JOSD1: variants seen among roughly 807,000 people sequenced by gnomAD.
JOSD1 encodes josephin-1.
Under a neutral mutation model 24.3 loss-of-function variants are expected in JOSD1, and 11 were observed. That is an observed-to-expected ratio of 0.45 (90% CI 0.29 to 0.75). JOSD1 has a LOEUF of 0.75. JOSD1 is among the 30% of genes least tolerant of loss of function. The probability of loss-of-function intolerance (pLI) is 0.11; values close to 1 mark genes in which losing one functional copy is unlikely to be tolerated. For synonymous variants in JOSD1, 106 were observed against 93.8 expected (o/e 1.13, Z -0.75); for missense variants, 184 against 253.5 (o/e 0.73, Z 1.86).
At chr22:38,688,451 C>CA (rs1569262726) in intron 4 of JOSD1, among the ~76,000 whole-genome samples, 1 of 152,126 alleles carries the variant, frequency 6.6e-6, no homozygotes, top group Non-Finnish European at 1.5e-5. Context: ...TTAGTAGAGA[C>CA]AGAGTTTCAC....
chr22:38,690,083 A>G (rs2092515305), intron 2 of JOSD1, among the ~76,000 whole-genome samples: 1 of 152,202 alleles, frequency 6.6e-6, no homozygotes, highest in Admixed American at 6.5e-5. Context: ...TTCTTTAGCC[A>G]GTCTGTATTT....
At chr22:38,689,932 G>GTGTA (rs2092514548) in intron 2 of JOSD1, among the ~76,000 whole-genome samples, 1 of 151,714 alleles carries the variant, frequency 6.6e-6, no homozygotes, top group Admixed American at 6.6e-5. Context: ...GTGTGTGTGT[G>GTGTA]TGTGTGTGTG....
In JOSD1 at chr22:38,685,753, A is replaced by G. The variant is rs1300004257; in HGVS notation, c.*2149T>C. On this transcript the variant is annotated 3_prime_UTR_variant, in exon 5 of 5. Coordinates refer to ENST00000683374, the MANE Select transcript of JOSD1 (RefSeq NM_001360236.2). ...CTAGGGTTGCCCGTTATTGGGCATCAGGGTCAGGCCTGTTCACTTCCTTAA... is the reference window on the plus strand; with the variant it reads ...CTAGGGTTGCCCGTTATTGGGCATCGGGGTCAGGCCTGTTCACTTCCTTAA... 6.5e-6 allele frequency: 1 copy of G among 152,704 alleles called. No homozygotes were observed. Among genetic ancestry groups the G allele is most frequent in the Non-Finnish European group, 1.5e-5 (1 of 68,048 alleles). 9.5% of individuals were successfully genotyped at this position (152,704 alleles called of 1,614,324 possible).
At chr22:38,698,369 G>T (rs1425320954) in intron 2 of JOSD1, among the ~76,000 whole-genome samples, 3 of 152,164 alleles carry the variant, frequency 2.0e-5, no homozygotes, top group Non-Finnish European at 4.4e-5. Context: ...TTATAGTTTT[G>T]TCTGCATCTG....
upstream of JOSD1, chr22:38,701,078 G>T (rs1044424691): frequency 4.9e-5 from 37 of 756,420 alleles, no homozygotes; most frequent in Non-Finnish European, 4.8e-6. Flanking sequence ...TGACGTCATC[G>T]GCACCGGCCT....
At position 38,699,832 on chromosome 22, in the gene JOSD1, G is replaced by A. The variant is rs2092560513; in HGVS notation, c.156C>T (p.Thr52=). Residue 52 remains threonine, a synonymous_variant, in exon 2 of 5, where the codon ACC becomes ACT. Coordinates refer to ENST00000683374, the MANE Select transcript of JOSD1 (RefSeq NM_001360236.2). The stretch of plus-strand genomic sequence containing the variant: ...GGAAAATCTCTTGCAGCGTATCCCG[G>A]GTGAAGGCATTGCTGTCCTGGAAGA... ...NNVFQDSNAF[T]RDTLQEIFQR... The A allele has an allele frequency of 6.2e-7, 1 of 1,614,166 alleles. No homozygotes were observed. Among genetic ancestry groups the A allele is most frequent in the African/African-American group, 1.3e-5 (1 of 75,040 alleles).
intron 2 of JOSD1, among the ~76,000 whole-genome samples, chr22:38,698,485 T>C (rs184900744): frequency 6.6e-6 from 1 of 152,348 alleles, no homozygotes; most frequent in Admixed American, 6.5e-5. Flanking sequence ...GCTGTAATTC[T>C]GGTCCCTATG....
intron 1 of JOSD1, 59 bp downstream of exon 1, chr22:38,700,741 G>C (rs1002621947): frequency 3.1e-6 from 3 of 982,204 alleles, no homozygotes; most frequent in Non-Finnish European, 3.6e-6. Flanking sequence ...GGTGGGGCCG[G>C]ACAGTCAGCC....
chr22:38,697,640 C>T (rs893784177), intron 2 of JOSD1, among the ~76,000 whole-genome samples: 12 of 152,312 alleles, frequency 7.9e-5, no homozygotes, highest in African/African-American at 2.6e-4. Flanking sequence ...AACAGGAGAG[C>T]GGTTAGCGGG....
chr22:38,698,602 G>A (rs549856170), intron 2 of JOSD1, among the ~76,000 whole-genome samples: 2 of 152,130 alleles, frequency 1.3e-5, no homozygotes, highest in Non-Finnish European at 2.9e-5. Context: ...CGAGGACTGC[G>A]CGGGCCTAAC....
rs1054848216 is a variant in JOSD1, at chr22:38,700,906, C to T, written c.-738G>A. On this transcript the variant is annotated 5_prime_UTR_variant, in exon 1 of 5. Transcript: ENST00000683374. Reference sequence around the variant, plus strand: ...CTCGCCGCTGGCGGTCCCCTCACCGCAGCCGGCCGCCACCTGGAGTGCGCG... The same window carrying T: ...CTCGCCGCTGGCGGTCCCCTCACCGTAGCCGGCCGCCACCTGGAGTGCGCG... 12 of 984,396 alleles carry T rather than the reference C, an allele frequency of 1.2e-5. No homozygotes were observed. The South Asian group carries it at 1.9e-4, about 15-fold the overall frequency. 61.0% of individuals were successfully genotyped at this position (984,396 alleles called of 1,614,324 possible). A position where few individuals can be genotyped will look rare whatever the true frequency, so the allele number is the denominator to read the frequency against.
At chr22:38,699,704 A>G in intron 2 of JOSD1, 99 bp downstream of exon 2, 1 of 1,155,374 alleles carries the variant, frequency 8.7e-7, no homozygotes, top group Non-Finnish European at 1.3e-6. Context: ...AATCTAGCTA[A>G]TACCTACAGC....
At chr22:38,694,339 C>T (rs1452569174) in intron 2 of JOSD1, among the ~76,000 whole-genome samples, 1 of 152,222 alleles carries the variant, frequency 6.6e-6, no homozygotes, top group Non-Finnish European at 1.5e-5. Context: ...GGGTCAGCCT[C>T]TACCCTAAGA....
At chr22:38,691,925 T>A (rs1252788815) in intron 2 of JOSD1, among the ~76,000 whole-genome samples, 1 of 152,212 alleles carries the variant, frequency 6.6e-6, no homozygotes, top group Non-Finnish European at 1.5e-5. Context: ...GCTACACTGC[T>A]AGGGGCCTAA....
intron 2 of JOSD1, among the ~76,000 whole-genome samples, chr22:38,690,675 G>A (rs189055682): frequency 6.6e-6 from 1 of 152,220 alleles, no homozygotes; most frequent in African/African-American, 2.4e-5. Context: ...AAAGTGCTGG[G>A]ATTACAGGTG....
At chr22:38,694,806 G>A (rs1032979478) in intron 2 of JOSD1, among the ~76,000 whole-genome samples, 1 of 148,908 alleles carries the variant, frequency 6.7e-6, no homozygotes, top group Non-Finnish European at 1.5e-5. Context: ...AGCTTGCAGT[G>A]AGCCGAGATC....
chr22:38,689,509 A>T, intron 2 of JOSD1, 85 bp from the exon 3 acceptor site: 1 of 1,529,038 alleles, frequency 6.5e-7, no homozygotes, highest in African/African-American at 1.4e-5. Flanking sequence ...AGAGCACTTT[A>T]CATCACTGCC....
chr22:38,688,880 C>A, intron 4 of JOSD1, 55 bp downstream of exon 4: 1 of 1,501,494 alleles, frequency 6.7e-7, no homozygotes, highest in Non-Finnish European at 9.1e-7. Flanking sequence ...GCTCAGTGTC[C>A]CCAACCTAAG....
chr22:38,695,444 GTTTTTT>G (rs536648160), intron 2 of JOSD1, among the ~76,000 whole-genome samples: 15 of 114,768 alleles, frequency 1.3e-4, no homozygotes, highest in Non-Finnish European at 2.4e-4. Flanking sequence ...TTTTTGCCTA[GTTTTTT>G]TTTTTTTTTT....
Sources: allele counts gnomAD v4.1 joint callset (sites outside exome capture counted in the v4.1 genomes callset), GRCh38; gene constraint gnomAD v4.1.1; transcripts MANE v1.5; gene names NCBI Gene and HGNC (gene_info 2026-07-23, HGNC 2026-07-21).